GGT1: variants seen among roughly 807,000 people sequenced by gnomAD.
GGT1 encodes gamma-glutamyltransferase 1, also known as glutathione hydrolase 1 proenzyme.
Under a neutral mutation model 56.0 loss-of-function variants are expected in GGT1, and 21 were observed. The ratio of observed to expected loss-of-function variants is 0.38; its 90% CI spans 0.27 to 0.54. GGT1 has a LOEUF of 0.54. Ranked by LOEUF, GGT1 falls within the 20% of genes least tolerant of loss-of-function variation. The pLI is 0.82. For synonymous variants in GGT1, 238 were observed against 342.6 expected, an observed-to-expected ratio of 0.69 and a Z score of 3.37; for missense variants, 466 against 787.0, an observed-to-expected ratio of 0.59 and a Z score of 4.88.
rs765799310 is a variant in GGT1, at chr22:24,623,099, C to T, written c.734-8C>T. 3.8e-5 allele frequency: 62 copies of T among 1,611,866 alleles called. No homozygotes were observed. Among genetic ancestry groups the T allele is most frequent in the Non-Finnish European group, 4.7e-5 (56 of 1,179,802 alleles). ...CCAGCACCCATTTGAGCTGCTGTCCCATTGCAGGGGGCATTGTGACAGCTG... is the reference window on the plus strand; with the variant it reads ...CCAGCACCCATTTGAGCTGCTGTCCTATTGCAGGGGGCATTGTGACAGCTG... On this transcript the variant is annotated splice_polypyrimidine_tract_variant and splice_region_variant and intron_variant, in intron 9 of 15. Transcript: ENST00000400382.
chr22:24,587,273 G>A, the GGT1 span, among the ~76,000 whole-genome samples: 50 of 152,304 alleles, frequency 3.3e-4, no homozygotes, highest in South Asian at 8.3e-3. Context: ...CAGGCTGGGG[G>A]CCGGCCATGA....
At chr22:24,589,344 G>C in the GGT1 span, 1 of 1,146,562 alleles carries the variant, frequency 8.7e-7, no homozygotes, top group African/African-American at 1.7e-5. Context: ...GCTGTTGTAG[G>C]GGAAAGCAGT....
chr22:24,623,198 C>T lies in GGT1; in HGVS notation c.825C>T (p.Tyr275=), dbSNP rs988682137. The change falls in exon 10 of 16, where the codon TAC becomes TAT. Residue 275 remains tyrosine, a synonymous_variant. Coordinates refer to ENST00000400382, the MANE Select transcript of GGT1 (RefSeq NM_001288833.2). ...TCAGCCTGGGAGACGTGGTGCTGTA[C>T]ATGCCCAGTGCGCCGCTCAGCGGGC... ...LNISLGDVVL[Y]MPSAPLSGPV... is the part of the protein sequence containing the mutation. 2 of 1,598,706 alleles carry T rather than the reference C, an allele frequency of 1.3e-6. No individual in the cohort carries two copies. The highest frequency in any genetic ancestry group is 1.7e-5 in the Admixed American group (1 of 57,964).
intron 1 of GGT1, among the ~76,000 whole-genome samples, chr22:24,605,736 TATATA>T (rs2046182253): frequency 1.3e-5 from 1 of 76,114 alleles, no homozygotes; most frequent in Non-Finnish European, 2.0e-5. Flanking sequence ...TATATAATAT[TATATA>T]ATGTGTATTA....
the GGT1 span, chr22:24,589,381 A>C: frequency 9.0e-7 from 1 of 1,115,858 alleles, no homozygotes; most frequent in Non-Finnish European, 1.1e-6. Context: ...GGGTGTCTGT[A>C]CAGGATGGAG....
intron 9 of GGT1, among the ~76,000 whole-genome samples, chr22:24,621,779 G>A (rs1462845388): frequency 6.6e-6 from 1 of 151,724 alleles, no homozygotes; most frequent in Non-Finnish European, 1.5e-5. Flanking sequence ...AGCCAGGCGC[G>A]GTGGCTCACG....
intron 5 of GGT1, among the ~76,000 whole-genome samples, chr22:24,612,278 ATTTCTTTC>A (rs1204491520): frequency 6.1e-4 from 82 of 135,128 alleles, no homozygotes; most frequent in African/African-American, 2.4e-3. Flanking sequence ...TTAGGAGACA[ATTTCTTTC>A]TTTCTTTTTT....
At chr22:24,616,543 CTT>C (rs891512187) in intron 7 of GGT1, among the ~76,000 whole-genome samples, 2 of 143,508 alleles carry the variant, frequency 1.4e-5, no homozygotes, top group Non-Finnish European at 3.1e-5. Flanking sequence ...TGACTTTTTT[CTT>C]TTTTTTTTCT....
At chr22:24,612,235 C>T (rs1264673358) in intron 5 of GGT1, among the ~76,000 whole-genome samples, 10 of 146,372 alleles carry the variant, frequency 6.8e-5, no homozygotes, top group South Asian at 2.1e-4. Flanking sequence ...CCACCACGCC[C>T]GGCTTATTCT....
the GGT1 span, chr22:24,589,341 T>C: frequency 7.8e-6 from 9 of 1,152,674 alleles, no homozygotes; most frequent in Non-Finnish European, 9.9e-6. Flanking sequence ...CCAGCTGTTG[T>C]AGGGGAAAGC....
chr22:24,626,309 C>T (rs927774344), intron 11 of GGT1, among the ~76,000 whole-genome samples: 5 of 135,668 alleles, frequency 3.7e-5, no homozygotes, highest in Non-Finnish European at 7.7e-5. Context: ...CCACCGCGCC[C>T]GGTGTTGAAA....
At chr22:24,588,758 C>G in the GGT1 span, 1 of 1,036,064 alleles carries the variant, frequency 9.7e-7, no homozygotes, top group Non-Finnish European at 1.2e-6. Context: ...AGGAACAAGC[C>G]AGGTCAGCGT....
At position 24,624,684 on chromosome 22, in the gene GGT1, G is replaced by C. The variant is rs534485258; in HGVS notation, c.1020+768G>C. The C allele has an allele frequency of 2.3e-3, 2,241 of 983,610 alleles. 2 individuals carry two copies. Among genetic ancestry groups the C allele is most frequent in the Middle Eastern group, 6.3e-3 (12 of 1,914 alleles). 60.9% of individuals were successfully genotyped at this position (983,610 alleles called of 1,614,324 possible). A position where few individuals can be genotyped will look rare whatever the true frequency, so the allele number is the denominator to read the frequency against. ...TCCTTCATCTACTCGCTGGCTCGGG[G>C]TGCTGTTCCTACAATGCTCCTTTCT... On this transcript the variant is annotated intron_variant, in intron 11 of 15. Transcript: ENST00000400382.
chr22:24,586,377 C>A, the GGT1 span: 1 of 1,613,670 alleles, frequency 6.2e-7, no homozygotes, highest in Non-Finnish European at 8.5e-7. Context: ...ACAGTCTCCC[C>A]TGCCAGCAGA....
chr22:24,623,267 G>T lies in GGT1; in HGVS notation c.883+11G>T, dbSNP rs909754839. 1.3e-6 allele frequency: 2 copies of T among 1,553,062 alleles called. No individual in the cohort carries two copies. The highest frequency in any genetic ancestry group is 1.2e-5 in the South Asian group (1 of 85,946). ...TCAACATCCTCAAAGGTGAGTGGTC[G>T]CACCACAGCCGTGTGGTAGGACCCA... On this transcript the variant is annotated intron_variant, in intron 10 of 15. Transcript: ENST00000400382.
upstream of GGT1, chr22:24,592,989 GGCCTCAGAGCCA>G (rs2045620028): frequency 8.6e-7 from 1 of 1,156,318 alleles, no homozygotes; most frequent in East Asian, 4.1e-5. Flanking sequence ...CCGCCGCCCC[GGCCTCAGAGCCA>G]GCCTCGGGCC....
intron 7 of GGT1, among the ~76,000 whole-genome samples, chr22:24,619,460 T>C (rs1280463519): frequency 1.3e-5 from 2 of 150,964 alleles, no homozygotes; most frequent in East Asian, 3.9e-4. Context: ...TCTTAGGTAC[T>C]TCAGAGGCTG....
rs2330837 is a variant in GGT1 at position 24,611,233 on chromosome 22, C to T, written c.152C>T (p.Ser51Leu). ...GTGGCCGCGGATGCCAAGCAGTGCTCGAAGATTGGGAGGTGAGCAGGGCAG... is the reference window on the plus strand; with the variant it reads ...GTGGCCGCGGATGCCAAGCAGTGCTTGAAGATTGGGAGGTGAGCAGGGCAG... ...AAVAADAKQC[S>L]KIGRDALRDG... is the part of the protein sequence containing the mutation. Residue 51 changes from serine to leucine, a missense_variant, in exon 5 of 16, where the codon TCG becomes TTG. Transcript: ENST00000400382. 10 of 1,557,804 alleles carry T rather than the reference C, an allele frequency of 6.4e-6. No homozygotes were observed. Among genetic ancestry groups the T allele is most frequent in the African/African-American group, 4.1e-5 (3 of 73,562 alleles).
At chr22:24,589,175 C>G in the GGT1 span, 1 of 1,172,990 alleles carries the variant, frequency 8.5e-7, no homozygotes, top group Non-Finnish European at 1.1e-6. Flanking sequence ...GAGTCTGGGT[C>G]CGGTGGCTGG....
Sources: allele counts gnomAD v4.1 joint callset (sites outside exome capture counted in the v4.1 genomes callset), GRCh38; gene constraint gnomAD v4.1.1; transcripts MANE v1.5; gene names NCBI Gene and HGNC (gene_info 2026-07-23, HGNC 2026-07-21).